ABTB2: variants seen among roughly 807,000 people sequenced by gnomAD.
ABTB2 encodes ankyrin repeat and BTB domain containing 2, also known as ankyrin repeat and BTB/POZ domain-containing protein 2.
ABTB2 carries 56 observed loss-of-function variants against 104.1 expected under a neutral mutation model. The ratio of observed to expected loss-of-function variants is 0.54; its 90% confidence interval spans 0.43 to 0.67. The LOEUF (loss-of-function observed/expected upper bound fraction) is 0.67. ABTB2 is among the 30% of genes least tolerant of loss of function. The probability of loss-of-function intolerance (pLI) is 0.00; values close to 1 mark genes in which losing one functional copy is unlikely to be tolerated. For synonymous variants in ABTB2, 606 were observed against 608.2 expected (o/e 1.00, Z 0.05); for missense variants, 1,279 against 1,407.7 (o/e 0.91, Z 1.46).
chr11:34,235,083 G>A (rs1428259933), intron 1 of ABTB2, among the ~76,000 whole-genome samples: 1 of 151,982 alleles, frequency 6.6e-6, no homozygotes, highest in African/African-American at 2.4e-5. Flanking sequence ...GGATGGTCTC[G>A]ATCTCCTGAC....
chr11:34,345,557 T>C (rs535775751), intron 1 of ABTB2, among the ~76,000 whole-genome samples: 5 of 151,792 alleles, frequency 3.3e-5, no homozygotes, highest in Admixed American at 1.3e-4. Flanking sequence ...ATCATTTGTC[T>C]CCTCAAAGAC....
At chr11:34,265,775 C>T (rs1342549650) in intron 1 of ABTB2, among the ~76,000 whole-genome samples, 1 of 151,396 alleles carries the variant, frequency 6.6e-6, no homozygotes, top group African/African-American at 2.4e-5. Flanking sequence ...TCGAGACCAG[C>T]CTGGCCAACA....
chr11:34,251,530 T>C (rs1213410430), intron 1 of ABTB2, among the ~76,000 whole-genome samples: 1 of 152,234 alleles, frequency 6.6e-6, no homozygotes, highest in African/African-American at 2.4e-5. Context: ...GTCCATGCCA[T>C]GCCCAGCAGG....
chr11:34,216,809 G>A (rs1004639017), intron 1 of ABTB2, among the ~76,000 whole-genome samples: 1 of 152,198 alleles, frequency 6.6e-6, no homozygotes, highest in Non-Finnish European at 1.5e-5. Flanking sequence ...ATGTCTGCAT[G>A]GCTTGATATT....
rs1424627612 is a variant in ABTB2, at chr11:34,161,162, A to G, written c.2219-81T>C. ...ACAGACCACAGCCTTTTCTGGGCAG[A>G]CTCTCTCGGGATGCCCCCGCTGTCT... On this transcript the variant is annotated intron_variant, in intron 10 of 16. Transcript: ENST00000435224. The G allele has an allele frequency of 8.0e-6, 11 of 1,371,480 alleles. No homozygotes were observed. In the African/African-American group the frequency reaches 1.3e-4, roughly 17 times the overall value. The allele number at this position is 1,371,480 out of a possible 1,614,324, so 85.0% of individuals were successfully genotyped here. A position where few individuals can be genotyped will look rare whatever the true frequency, so the allele number is the denominator to read the frequency against.
At chr11:34,236,253 G>T (rs893582481) in intron 1 of ABTB2, among the ~76,000 whole-genome samples, 3 of 152,180 alleles carry the variant, frequency 2.0e-5, no homozygotes, top group African/African-American at 7.2e-5. Context: ...CACTTCATAT[G>T]AAAGGTAAAA....
At chr11:34,159,147 A>G in intron 14 of ABTB2, 149 bp downstream of exon 14, 2 of 648,428 alleles carry the variant, frequency 3.1e-6, no homozygotes, top group Non-Finnish European at 5.4e-6. Flanking sequence ...CTGCACAGGG[A>G]AAGACCTGGA....
At chr11:34,316,618 C>T (rs375042576) in intron 1 of ABTB2, among the ~76,000 whole-genome samples, 4 of 152,138 alleles carry the variant, frequency 2.6e-5, no homozygotes, top group East Asian at 3.9e-4. Flanking sequence ...ATACCAAGGC[C>T]AAGTTGCTGT....
In ABTB2 at chr11:34,221,961, C is replaced by T. The variant is rs555931023; in HGVS notation, c.884-17271G>A. On this transcript the variant is annotated intron_variant, in intron 1 of 16. Transcript: ENST00000435224. Reference sequence around the variant, plus strand: ...TTGGGAGGCTGAGGCAGGAGAATAGCTTGAACCTGGGAGGCGGAGGTTGCA... The same window carrying T: ...TTGGGAGGCTGAGGCAGGAGAATAGTTTGAACCTGGGAGGCGGAGGTTGCA... Among the ~76,000 whole-genome samples, 8 of 152,284 alleles carry T rather than the reference C, an allele frequency of 5.3e-5. No homozygotes were observed. In the South Asian group the frequency reaches 1.2e-3, roughly 24 times the overall value.
chr11:34,209,167 G>T (rs1175676799), intron 1 of ABTB2, among the ~76,000 whole-genome samples: 1 of 152,030 alleles, frequency 6.6e-6, no homozygotes, highest in Non-Finnish European at 1.5e-5. Context: ...CCACCGTGGT[G>T]AAACACTATC....
chr11:34,297,791 T>A (rs56376818), intron 1 of ABTB2, among the ~76,000 whole-genome samples: 13,398 of 115,746 alleles, frequency 0.12, 1,854 homozygotes, highest in Middle Eastern at 0.18. Flanking sequence ...AAAATAAAAA[T>A]AAAGGAAAGA....
At chr11:34,323,971 T>C (rs190976352) in intron 1 of ABTB2, among the ~76,000 whole-genome samples, 30 of 138,874 alleles carry the variant, frequency 2.2e-4, no homozygotes, top group African/African-American at 7.6e-4. Context: ...TGGAGTGCCA[T>C]GGTATGATCT....
At chr11:34,226,891 C>A (rs1388791296) in intron 1 of ABTB2, among the ~76,000 whole-genome samples, 1 of 151,808 alleles carries the variant, frequency 6.6e-6, no homozygotes, top group Non-Finnish European at 1.5e-5. Flanking sequence ...CATGGCAAAA[C>A]CCCATCTCTA....
intron 3 of ABTB2, among the ~76,000 whole-genome samples, chr11:34,190,272 C>CCCA (rs575570208): frequency 5.2e-5 from 6 of 115,122 alleles, no homozygotes; most frequent in Admixed American, 9.4e-5. Context: ...GCTGCCCCCC[C>CCCA]AAAAAAAAAA....
At chr11:34,249,567 G>A (rs1460909322) in intron 1 of ABTB2, among the ~76,000 whole-genome samples, 1 of 152,170 alleles carries the variant, frequency 6.6e-6, no homozygotes, top group Non-Finnish European at 1.5e-5. Context: ...TTCCAGAAAG[G>A]GGGAGGTCAT....
chr11:34,214,021 G>A (rs539488177), intron 1 of ABTB2, among the ~76,000 whole-genome samples: 87 of 152,114 alleles, frequency 5.7e-4, no homozygotes, highest in African/African-American at 1.9e-3. Context: ...AGAACAGTCC[G>A]CCACATGACC....
intron 1 of ABTB2, among the ~76,000 whole-genome samples, chr11:34,285,374 G>T (rs1445136125): frequency 6.6e-6 from 1 of 152,156 alleles, no homozygotes; most frequent in Non-Finnish European, 1.5e-5. Context: ...CCTAGTGCGT[G>T]CTTTGCTCTG....
rs376419361 is a variant in ABTB2, at chr11:34,204,457, G to A, written c.1030+87C>T. On this transcript the variant is annotated intron_variant, in intron 2 of 16. Transcript: ENST00000435224. ...GGAGGAGGCCAGAGCACTTGGAGGA[G>A]GAGGAGGCGAGCTCTCCCTGCCTTC... is the stretch of plus-strand genomic sequence containing the variant. 1,693 of 1,456,584 alleles carry A rather than the reference G, an allele frequency of 1.2e-3. 40 individuals carry two copies. The South Asian group carries it at 0.022, about 19-fold the overall frequency. The allele number at this position is 1,456,584 out of a possible 1,614,324, so 90.2% of individuals were successfully genotyped here.
At chr11:34,346,956 G>A (rs1397722705) in intron 1 of ABTB2, among the ~76,000 whole-genome samples, 1 of 152,194 alleles carries the variant, frequency 6.6e-6, no homozygotes, top group Non-Finnish European at 1.5e-5. Flanking sequence ...AAGTTGTAAA[G>A]GTTTCAATAA....
Sources: allele counts gnomAD v4.1 joint callset (sites outside exome capture counted in the v4.1 genomes callset), GRCh38; gene constraint gnomAD v4.1.1; transcripts MANE v1.5; gene names NCBI Gene and HGNC (gene_info 2026-07-23, HGNC 2026-07-21).